Variants in RBM8A observed in about 807,000 individuals in gnomAD.
RBM8A encodes RNA-binding protein 8A.
Under a neutral mutation model 25.1 loss-of-function variants are expected in RBM8A, and 8 were observed. The observed-to-expected ratio is 0.32, with a 90% CI of 0.19 to 0.58. The LOEUF (loss-of-function observed/expected upper bound fraction) is 0.58. Ranked by LOEUF, RBM8A falls within the 20% of genes least tolerant of loss-of-function variation. RBM8A has a pLI of 0.88. For missense variants in RBM8A, 114 were observed against 236.8 expected, an observed-to-expected ratio of 0.48 and a Z score of 3.40; for synonymous variants, 66 against 80.0, an observed-to-expected ratio of 0.82 and a Z score of 0.94.
chr1:145,924,011 A>C lies in RBM8A; in HGVS notation c.*1871T>G. 1.6e-6 allele frequency: 1 copy of C among 631,498 alleles called. No homozygotes were observed. The highest frequency in any genetic ancestry group is 2.9e-6 in the Non-Finnish European group (1 of 342,446). The allele number at this position is 631,498 out of a possible 1,614,324, so 39.1% of individuals were successfully genotyped here. ...TCAAGATATATTTCCAACTTCTTTA[A>C]CATGGCACCATGGATGAACTGTTTC... On this transcript the variant is annotated 3_prime_UTR_variant, in exon 6 of 6. Transcript: ENST00000583313.
chr1:145,926,707 T>C, intron 3 of RBM8A, 89 bp from the exon 4 acceptor site: 2 of 1,613,012 alleles, frequency 1.2e-6, no homozygotes, highest in South Asian at 2.2e-5. Context: ...ACTCAGATTG[T>C]TTAAGCTATC....
rs781903285 is a variant in RBM8A, at chr1:145,925,954, G to C, written c.480-27C>G. Reference sequence around the variant, plus strand: ...TAGGGAAAAAGAAGCAGGGAGAGGAGTCCATTAGAGGGACATAATACTAAG... The same window carrying C: ...TAGGGAAAAAGAAGCAGGGAGAGGACTCCATTAGAGGGACATAATACTAAG... On this transcript the variant is annotated intron_variant, in intron 5 of 5. Transcript: ENST00000583313. 10 of 1,614,190 alleles carry C rather than the reference G, an allele frequency of 6.2e-6. No homozygotes were observed. The Admixed American group carries it at 1.5e-4, about 24-fold the overall frequency.
At chr1:145,927,252 G>A (rs2101879473) in intron 1 of RBM8A, 108 bp downstream of exon 1, 1 of 1,468,942 alleles carries the variant, frequency 6.8e-7, no homozygotes, top group Non-Finnish European at 9.3e-7. Context: ...CCAAGACCCG[G>A]TTCCTCGATT....
rs1298447196 is a variant in RBM8A at position 145,924,875 on chromosome 1, G to C, written c.*1007C>G. ...GACAATTGTCCCCGTGTTCGTCTCC[G>C]GGCCCTGAGACTGGCCCTGCTTATC... On this transcript the variant is annotated 3_prime_UTR_variant, in exon 6 of 6. Coordinates refer to ENST00000583313, the MANE Select transcript of RBM8A (RefSeq NM_005105.5). 3.2e-6 allele frequency: 1 copy of C among 307,978 alleles called. No individual in the cohort carries two copies. The highest frequency in any genetic ancestry group is 2.3e-5 in the South Asian group (1 of 43,116). The allele number at this position is 307,978 out of a possible 1,614,324, so 19.1% of individuals were successfully genotyped here. A position where few individuals can be genotyped will look rare whatever the true frequency, so the allele number is the denominator to read the frequency against.
chr1:145,923,629 A>G lies in RBM8A; in HGVS notation c.*2253T>C, dbSNP rs1218119952. On this transcript the variant is annotated 3_prime_UTR_variant, in exon 6 of 6. Transcript: ENST00000583313. Reference sequence around the variant, plus strand: ...TGGAAAACCCAGCAATTTAACAAAAAGGGGGAGGGGCAGCCCAATAGCATT... The same window carrying G: ...TGGAAAACCCAGCAATTTAACAAAAGGGGGGAGGGGCAGCCCAATAGCATT... The G allele has an allele frequency of 9.4e-6, 3 of 319,464 alleles. No individual in the cohort carries two copies. The highest frequency in any genetic ancestry group is 4.3e-5 in the African/African-American group (2 of 46,954). The allele number at this position is 319,464 out of a possible 1,614,324, so 19.8% of individuals were successfully genotyped here.
In RBM8A at chr1:145,925,837, G is replaced by A; in HGVS notation, c.*45C>T. 6.3e-7 allele frequency: 1 copy of A among 1,579,384 alleles called. No homozygotes were observed. Among genetic ancestry groups the A allele is most frequent in the Non-Finnish European group, 8.7e-7 (1 of 1,150,276 alleles). On this transcript the variant is annotated 3_prime_UTR_variant, in exon 6 of 6. Transcript: ENST00000583313. ...AGTCCTATTTGTCCAAGGCTGCATG[G>A]TCAAATGGAATCTTGAAGAGAACAC...
At position 145,922,643 on chromosome 1, in the gene RBM8A, G is replaced by C. The variant is rs1647858758; in HGVS notation, c.*3239C>G. 1 of 152,004 alleles carries C rather than the reference G, an allele frequency of 6.6e-6. No homozygotes were observed. 9.4% of individuals were successfully genotyped at this position (152,004 alleles called of 1,614,324 possible). ...TTTGTTCCAAATTAGTATCCTTTTA[G>C]GTAAATTCTGTATTGCCCATATGCT... On this transcript the variant is annotated 3_prime_UTR_variant, in exon 6 of 6. Coordinates refer to ENST00000583313, the MANE Select transcript of RBM8A (RefSeq NM_005105.5).
At position 145,923,231 on chromosome 1, in the gene RBM8A, C is replaced by T. The variant is rs1283279806; in HGVS notation, c.*2651G>A. 1 of 151,874 alleles carries T rather than the reference C, an allele frequency of 6.6e-6. No individual in the cohort carries two copies. Among genetic ancestry groups the T allele is most frequent in the Non-Finnish European group, 1.5e-5 (1 of 68,058 alleles). The allele number at this position is 151,874 out of a possible 1,614,324, so 9.4% of individuals were successfully genotyped here. ...GGCGTGAGCCACCGCGCCCAGCCAGCTTTGACTATTTTTATACTCCTCACA... is the reference window on the plus strand; with the variant it reads ...GGCGTGAGCCACCGCGCCCAGCCAGTTTTGACTATTTTTATACTCCTCACA... On this transcript the variant is annotated 3_prime_UTR_variant, in exon 6 of 6. Coordinates refer to ENST00000583313, the MANE Select transcript of RBM8A (RefSeq NM_005105.5).
At position 145,924,065 on chromosome 1, in the gene RBM8A, A is replaced by G. The variant is rs1280109067; in HGVS notation, c.*1817T>C. The G allele has an allele frequency of 1.4e-5, 10 of 702,420 alleles. No homozygotes were observed. Among genetic ancestry groups the G allele is most frequent in the Admixed American group, 6.0e-5 (3 of 49,612 alleles). 43.5% of individuals were successfully genotyped at this position (702,420 alleles called of 1,614,324 possible). ...GCACTGTGCTGCTTCACTTGGAATT[A>G]AGGATGAATTGGGAGGAGACAGTAT... On this transcript the variant is annotated 3_prime_UTR_variant, in exon 6 of 6. Transcript: ENST00000583313.
In RBM8A at chr1:145,926,516, T is replaced by C; in HGVS notation, c.308A>G (p.His103Arg). ...FAEYGEIKNI[H>R]LNLDRRTGYL... ...TCCTGTTCGCCTGTCGAGGTTGAGATGAATGTTTTTAATTTCCCCATATTC... is the reference window on the plus strand; with the variant it reads ...TCCTGTTCGCCTGTCGAGGTTGAGACGAATGTTTTTAATTTCCCCATATTC... The change falls in exon 4 of 6, where the codon CAT becomes CGT. Residue 103 changes from histidine (H) to arginine (R), a missense_variant. Physicochemically the swap from His to Arg is conservative, Grantham distance 29 (BLOSUM62 0). Around this residue, in one of 2 missense-constraint regions of RBM8A, gnomAD observed 102 missense variants for 182.7 expected, o/e 0.56. Coordinates refer to ENST00000583313, the MANE Select transcript of RBM8A (RefSeq NM_005105.5). 1 of 1,614,144 alleles carries C rather than the reference T, an allele frequency of 6.2e-7. No homozygotes were observed.
chr1:145,926,455 G>A (rs1648164552), intron 4 of RBM8A, 27 bp downstream of exon 4: 1 of 1,611,692 alleles, frequency 6.2e-7, no homozygotes, highest in Non-Finnish European at 8.5e-7. Context: ...TGAAAGAAAG[G>A]AGGCAATAAA....
At position 145,925,430 on chromosome 1, in the gene RBM8A, C is replaced by G. The variant is rs1448895772; in HGVS notation, c.*452G>C. 2.8e-6 allele frequency: 1 copy of G among 361,796 alleles called. No homozygotes were observed. The highest frequency in any genetic ancestry group is 7.3e-5 in the East Asian group (1 of 13,628). The allele number at this position is 361,796 out of a possible 1,614,324, so 22.4% of individuals were successfully genotyped here. A position where few individuals can be genotyped will look rare whatever the true frequency, so the allele number is the denominator to read the frequency against. On this transcript the variant is annotated 3_prime_UTR_variant, in exon 6 of 6. Coordinates refer to ENST00000583313, the MANE Select transcript of RBM8A (RefSeq NM_005105.5). ...AACTAGCCCAGGTAACACAGCAAGA[C>G]CCCATCTCTACAAAAATATTAAAAA...
chr1:145,927,100 A>G (rs1462970805), intron 1 of RBM8A, 23 bp from the exon 2 acceptor site: 1 of 1,609,114 alleles, frequency 6.2e-7, no homozygotes. Flanking sequence ...AAGATAAAAG[A>G]ATAAGTAACT....
At chr1:145,926,651 CAT>C (rs782110438) in intron 3 of RBM8A, 33 bp from the exon 4 acceptor site, 10 of 1,613,412 alleles carry the variant, frequency 6.2e-6, no homozygotes, top group Non-Finnish European at 8.5e-6. Flanking sequence ...TGTATGAGTA[CAT>C]GAGAGACACT....
At position 145,923,994 on chromosome 1, in the gene RBM8A, T is replaced by C; in HGVS notation, c.*1888A>G. ...AAAGGAAGATAGGATTTTCAAGATATATTTCCAACTTCTTTAACATGGCAC... is the reference window on the plus strand; with the variant it reads ...AAAGGAAGATAGGATTTTCAAGATACATTTCCAACTTCTTTAACATGGCAC... On this transcript the variant is annotated 3_prime_UTR_variant, in exon 6 of 6. Coordinates refer to ENST00000583313, the MANE Select transcript of RBM8A (RefSeq NM_005105.5). The C allele has an allele frequency of 3.2e-6, 2 of 617,754 alleles. No individual in the cohort carries two copies. Among genetic ancestry groups the C allele is most frequent in the African/African-American group, 1.8e-5 (1 of 54,124 alleles). The allele number at this position is 617,754 out of a possible 1,614,324, so 38.3% of individuals were successfully genotyped here. A position where few individuals can be genotyped will look rare whatever the true frequency, so the allele number is the denominator to read the frequency against.
chr1:145,924,601 T>A lies in RBM8A; in HGVS notation c.*1281A>T, dbSNP rs1303509156. On this transcript the variant is annotated 3_prime_UTR_variant, in exon 6 of 6. Coordinates refer to ENST00000583313, the MANE Select transcript of RBM8A (RefSeq NM_005105.5). ...CAGTATTATTTATTCTTGAACACCATCAAGTCTAGACTTGGTGGCTTCATA... is the reference window on the plus strand; with the variant it reads ...CAGTATTATTTATTCTTGAACACCAACAAGTCTAGACTTGGTGGCTTCATA... 1 of 357,648 alleles carries A rather than the reference T, an allele frequency of 2.8e-6. No homozygotes were observed. The highest frequency in any genetic ancestry group is 2.1e-5 in the African/African-American group (1 of 46,746). The allele number at this position is 357,648 out of a possible 1,614,324, so 22.2% of individuals were successfully genotyped here.
At position 145,924,862 on chromosome 1, in the gene RBM8A, C is replaced by T. The variant is rs1312664261; in HGVS notation, c.*1020G>A. On this transcript the variant is annotated 3_prime_UTR_variant, in exon 6 of 6. Transcript: ENST00000583313. ...CCCCCGCTCCTTTGACAATTGTCCC[C>T]GTGTTCGTCTCCGGGCCCTGAGACT... 1.2e-5 allele frequency: 4 copies of T among 322,994 alleles called. No homozygotes were observed. The highest frequency in any genetic ancestry group is 8.2e-5 in the East Asian group (1 of 12,170). 20.0% of individuals were successfully genotyped at this position (322,994 alleles called of 1,614,324 possible).
At chr1:145,927,099 G>A in intron 1 of RBM8A, 22 bp from the exon 2 acceptor site, 2 of 1,609,646 alleles carry the variant, frequency 1.2e-6, no homozygotes, top group South Asian at 1.1e-5. Context: ...GAAGATAAAA[G>A]AATAAGTAAC....
intron 4 of RBM8A, 50 bp from the exon 5 acceptor site, chr1:145,926,227 A>G: frequency 6.2e-7 from 1 of 1,600,078 alleles, no homozygotes; most frequent in Middle Eastern, 2.0e-4. Context: ...TTCCCCAAGT[A>G]TCACTGAGTA....
Sources: gnomAD v4.1 joint callset for allele counts on GRCh38, gnomAD v4.1.1 for gene constraint, gnomAD v4.1.1 regional missense constraint, MANE v1.5 for transcripts, NCBI Gene and HGNC (gene_info 2026-07-23, HGNC 2026-07-21) for gene names.